The following DNAH11 variants were observed in gnomAD, a reference collection of about 807,000 sequenced individuals.
The protein encoded by DNAH11 is dynein axonemal heavy chain 11, also known as axonemal beta dynein heavy chain 11.
A neutral mutation model predicts 526.0 loss-of-function variants in DNAH11; 442 were observed. The ratio of observed to expected loss-of-function variants is 0.84; its 90% confidence interval spans 0.78 to 0.91. The LOEUF is 0.91. DNAH11 is among the 40% of genes least tolerant of loss of function. DNAH11 has a pLI of 0.00. For synonymous variants in DNAH11, 2,461 were observed against 1,935.9 expected (o/e 1.27, Z -7.12); for missense variants, 6,989 against 5,448.7 (o/e 1.28, Z -8.90).
chr7:21,601,420 A>G lies in DNAH11; in HGVS notation c.3450A>G (p.Ile1150Met), dbSNP rs1785080764. Residue 1150 changes from isoleucine (I) to methionine (M), a missense_variant, in exon 18 of 82, where the codon ATA becomes ATG. Coordinates refer to ENST00000409508, the MANE Select transcript of DNAH11 (RefSeq NM_001277115.2). ...IDSLNELQEF[I>M]KETDSGLQRE... The stretch of plus-strand genomic sequence containing the variant: ...GTCTGAATGAGCTACAAGAATTTAT[A>G]AAGGAGACAGATTCCGGACTTCAGA... 1 of 1,612,966 alleles carries G rather than the reference A, an allele frequency of 6.2e-7. No homozygotes were observed. Among genetic ancestry groups the G allele is most frequent in the Non-Finnish European group, 8.5e-7 (1 of 1,179,454 alleles).
intron 41 of DNAH11, 123 bp from the exon 42 acceptor site, chr7:21,711,589 A>C (rs1477512487): frequency 7.4e-7 from 1 of 1,355,928 alleles, no homozygotes. Context: ...TTCAGACTGC[A>C]CTTCTGATTC....
intron 35 of DNAH11, among the ~76,000 whole-genome samples, chr7:21,696,204 G>A (rs997494637): frequency 1.3e-4 from 19 of 149,364 alleles, no homozygotes; most frequent in East Asian, 6.1e-4. Flanking sequence ...ATCTCTTTCC[G>A]TTCTTTCCAA....
chr7:21,543,654 G>A, intron 1 of DNAH11, 58 bp downstream of exon 1: 1 of 1,508,694 alleles, frequency 6.6e-7, no homozygotes, highest in South Asian at 1.2e-5. Flanking sequence ...AGGGGAGACA[G>A]CCCAGTCGCT....
Position 21,637,629 on chromosome 7 carries a change from G to C in DNAH11, c.4744G>C (p.Ala1582Pro). The C allele has an allele frequency of 1.9e-6, 3 of 1,587,600 alleles. No homozygotes were observed. The highest frequency in any genetic ancestry group is 2.6e-6 in the Non-Finnish European group (3 of 1,165,918). ...AEFKELMFKTAKVENVLEATC... is the reference protein window; with the variant it reads ...AEFKELMFKTPKVENVLEATC... ...CATGCAGGAGTTAATGTTCAAGACA[G>C]CCAAAGTAGAAAATGTGTTAGAAGC... The change falls in exon 27 of 82, where the codon GCC (alanine) becomes CCC (proline). Residue 1582 changes from alanine (A) to proline (P), a missense_variant. Physicochemically the swap from Ala to Pro is conservative, Grantham distance 27 (BLOSUM62 -1). Coordinates refer to ENST00000409508, the MANE Select transcript of DNAH11 (RefSeq NM_001277115.2).
intron 30 of DNAH11, among the ~76,000 whole-genome samples, chr7:21,676,839 A>T (rs1202680523): frequency 6.6e-6 from 1 of 152,244 alleles, no homozygotes; most frequent in East Asian, 1.9e-4. Context: ...CCCAGATGAG[A>T]AAATATCCAA....
chr7:21,798,544 A>C (rs1788819931), intron 61 of DNAH11, among the ~76,000 whole-genome samples: 1 of 152,202 alleles, frequency 6.6e-6, no homozygotes, highest in African/African-American at 2.4e-5. Context: ...CCTTCCATTA[A>C]GTTGGTCCAG....
At chr7:21,898,544 A>G (rs917088940) in intron 79 of DNAH11, among the ~76,000 whole-genome samples, 7 of 152,138 alleles carry the variant, frequency 4.6e-5, no homozygotes, top group Non-Finnish European at 1.0e-4. Flanking sequence ...TGGCTTTTAC[A>G]CTGAGGCTAT....
chr7:21,623,982 T>A (rs1726876688), intron 25 of DNAH11, among the ~76,000 whole-genome samples: 1 of 150,124 alleles, frequency 6.7e-6, no homozygotes, highest in African/African-American at 2.4e-5. Context: ...AATAATAAAA[T>A]AAAAATAAAA....
In DNAH11 at chr7:21,615,139, A is replaced by G. The variant is rs768978328; in HGVS notation, c.3878A>G (p.Glu1293Gly). The change falls in exon 21 of 82, where the codon GAA becomes GGA. Residue 1293 changes from glutamate to glycine, a missense_variant. By Grantham distance (98) the Glu-to-Gly change is moderately conservative (BLOSUM62 -2). Coordinates refer to ENST00000409508, the MANE Select transcript of DNAH11 (RefSeq NM_001277115.2). ...DKANEELEAL[E>G]EEMLQMQEST... ...GCAAATGAAGAGCTTGAGGCCTTAG[A>G]AGAAGAAATGTTGCAGATGCAAGAA... is the stretch of plus-strand genomic sequence containing the variant. 6.8e-6 allele frequency: 11 copies of G among 1,612,438 alleles called. No individual in the cohort carries two copies. Among genetic ancestry groups the G allele is most frequent in the South Asian group, 1.1e-5 (1 of 90,708 alleles).
intron 44 of DNAH11, among the ~76,000 whole-genome samples, chr7:21,724,762 C>G (rs1352937573): frequency 6.6e-6 from 1 of 151,018 alleles, no homozygotes; most frequent in Non-Finnish European, 1.5e-5. Flanking sequence ...CCAGGTCATC[C>G]TATGAATATA....
Position 21,894,991 on chromosome 7 carries a change from A to G in DNAH11, c.13041A>G (p.Leu4347=), listed in dbSNP as rs1784457608. 5.0e-6 allele frequency: 8 copies of G among 1,613,828 alleles called. No individual in the cohort carries two copies. Among genetic ancestry groups the G allele is most frequent in the Non-Finnish European group, 6.8e-6 (8 of 1,179,802 alleles). The part of the protein sequence containing the change: ...SKLAYPSTYG[L]AQWFNDLLLR... ...TGGCTTATCCTTCTACTTATGGCCT[A>G]GCCCAGTGGTAAGCTACCCCATCCT... The change falls in exon 79 of 82, where the codon CTA becomes CTG. Residue 4347 remains leucine, a synonymous_variant. Transcript: ENST00000409508.
chr7:21,812,438 G>A (rs575681841), intron 63 of DNAH11, among the ~76,000 whole-genome samples: 33 of 152,194 alleles, frequency 2.2e-4, no homozygotes, highest in African/African-American at 7.5e-4. Context: ...GGAGGCCAAG[G>A]CAAGAGGATC....
At chr7:21,845,399 A>AGG (rs1270708150) in intron 66 of DNAH11, among the ~76,000 whole-genome samples, 1 of 152,092 alleles carries the variant, frequency 6.6e-6, no homozygotes. Context: ...GGTGTGAAGT[A>AGG]GGGGTGCACC....
At position 21,745,009 on chromosome 7, in the gene DNAH11, A is replaced by G. The variant is rs371215793; in HGVS notation, c.8456A>G (p.Asn2819Ser). 1.8e-4 allele frequency: 282 copies of G among 1,610,060 alleles called. 1 individual carries two copies. The highest frequency in any genetic ancestry group is 2.2e-4 in the Non-Finnish European group (256 of 1,178,192). Residue 2819 changes from asparagine to serine, a missense_variant, in exon 51 of 82, where the codon AAT becomes AGT. By Grantham distance (46) the Asn-to-Ser change is conservative (BLOSUM62 1). Transcript: ENST00000409508. ...TILTETLDNY[N>S]ELNAAMHLVL... is the part of the protein sequence containing the mutation. ...CTTACAGAAACGTTAGACAACTACA[A>G]TGAACTAAATGCTGCCATGCACCTA...
rs751575627 is a variant in DNAH11, at chr7:21,559,721, C to T, written c.811C>T (p.His271Tyr). Residue 271 changes from histidine to tyrosine, a missense_variant, in exon 4 of 82, where the codon CAC (histidine) becomes TAC (tyrosine). Physicochemically the swap from His to Tyr is moderately conservative, Grantham distance 83. Coordinates refer to ENST00000409508, the MANE Select transcript of DNAH11 (RefSeq NM_001277115.2). ...AGTGCAGCGTTTGTTGAATGGTCTT[C>T]ACTTGTCTCCTCAAGCAGAACTAGA... The part of the protein sequence containing the change: ...DSVQRLLNGL[H>Y]LSPQAELDFW... 29 of 1,609,420 alleles carry T rather than the reference C, an allele frequency of 1.8e-5. No homozygotes were observed. In the South Asian group the frequency reaches 2.2e-4, roughly 12 times the overall value.
chr7:21,652,997 C>T (rs982531782), intron 28 of DNAH11, among the ~76,000 whole-genome samples: 3 of 152,138 alleles, frequency 2.0e-5, no homozygotes, highest in Non-Finnish European at 2.9e-5. Flanking sequence ...CAGCCTCAGC[C>T]TCCCAAGTAG....
intron 20 of DNAH11, among the ~76,000 whole-genome samples, chr7:21,611,993 T>C (rs549199857): frequency 1.3e-5 from 2 of 151,948 alleles, no homozygotes; most frequent in African/African-American, 4.8e-5. Flanking sequence ...TCTGGTGAAA[T>C]CATCAAGGGA....
intron 67 of DNAH11, among the ~76,000 whole-genome samples, chr7:21,853,178 A>T (rs757742710): frequency 3.3e-5 from 5 of 152,240 alleles, no homozygotes; most frequent in South Asian, 2.1e-4. Flanking sequence ...CTAATGTCCA[A>T]CATGGGTCCC....
intron 14 of DNAH11, among the ~76,000 whole-genome samples, chr7:21,593,657 A>G (rs967615239): frequency 7.2e-5 from 11 of 152,112 alleles, no homozygotes; most frequent in Admixed American, 7.2e-4. Flanking sequence ...AGGGAAGGCA[A>G]AGATAGGAAT....
Sources: gnomAD v4.1 joint callset for allele counts (sites outside exome capture counted in the v4.1 genomes callset) on GRCh38, gnomAD v4.1.1 for gene constraint, MANE v1.5 for transcripts, NCBI Gene and HGNC (gene_info 2026-07-23, HGNC 2026-07-21) for gene names.